The following NCAM2 variants were observed in gnomAD, a reference collection of about 807,000 sequenced individuals.
The protein encoded by NCAM2 is N-CAM-2.
Under a neutral mutation model 98.1 loss-of-function variants are expected in NCAM2, and 30 were observed. The ratio of observed to expected loss-of-function variants is 0.31; its 90% CI spans 0.23 to 0.41. The LOEUF (loss-of-function observed/expected upper bound fraction) is 0.41. Ranked by LOEUF, NCAM2 falls within the 10% of genes least tolerant of loss-of-function variation. NCAM2 has a pLI of 1.00. For missense variants in NCAM2, 867 were observed against 1,005.8 expected (o/e 0.86, Z 1.87); for synonymous variants, 368 against 342.4 (o/e 1.07, Z -0.83).
intron 1 of NCAM2, among the ~76,000 whole-genome samples, chr21:21,016,288 T>C (rs950081898): frequency 6.6e-6 from 1 of 152,192 alleles, no homozygotes; most frequent in African/African-American, 2.4e-5. Context: ...TAGTCAAATA[T>C]GTCTGCCGCA....
chr21:21,339,779 A>G (rs561008908), intron 8 of NCAM2, among the ~76,000 whole-genome samples: 111 of 151,964 alleles, frequency 7.3e-4, no homozygotes, highest in Non-Finnish European at 1.4e-3. Context: ...TTCACCAAAA[A>G]AGTAACTTCT....
At chr21:21,355,721 T>C (rs1313016811) in intron 8 of NCAM2, among the ~76,000 whole-genome samples, 1 of 151,746 alleles carries the variant, frequency 6.6e-6, no homozygotes, top group Non-Finnish European at 1.5e-5. Flanking sequence ...GTTCAAATGA[T>C]TCTCCTGACA....
intron 16 of NCAM2, among the ~76,000 whole-genome samples, chr21:21,510,485 G>T (rs1259478767): frequency 6.6e-6 from 1 of 151,978 alleles, no homozygotes; most frequent in African/African-American, 2.4e-5. Flanking sequence ...TGTTGTATTA[G>T]GACCATTCAT....
chr21:21,175,108 G>A (rs2068239986), intron 1 of NCAM2, among the ~76,000 whole-genome samples: 2 of 152,084 alleles, frequency 1.3e-5, no homozygotes, highest in African/African-American at 2.4e-5. Flanking sequence ...AATTTGATAT[G>A]TCTTTTGAGA....
intron 1 of NCAM2, among the ~76,000 whole-genome samples, chr21:21,040,584 T>C (rs2146259096): frequency 6.6e-6 from 1 of 151,954 alleles, no homozygotes; most frequent in Non-Finnish European, 1.5e-5. Flanking sequence ...ATATACACAA[T>C]GGAATACCGT....
chr21:21,099,481 A>G (rs1173340064), intron 1 of NCAM2, among the ~76,000 whole-genome samples: 1 of 151,900 alleles, frequency 6.6e-6, no homozygotes, highest in Non-Finnish European at 1.5e-5. Context: ...CAGGGCAGCA[A>G]GAGAGAGAAG....
At chr21:21,220,313 A>G (rs938005149) in intron 1 of NCAM2, among the ~76,000 whole-genome samples, 1 of 152,058 alleles carries the variant, frequency 6.6e-6, no homozygotes, top group African/African-American at 2.4e-5. Flanking sequence ...TTTTTTCTTA[A>G]TTTTTGTACT....
chr21:21,145,180 AAAC>A (rs1184473374), intron 1 of NCAM2, among the ~76,000 whole-genome samples: 1 of 152,284 alleles, frequency 6.6e-6, no homozygotes, highest in Non-Finnish European at 1.5e-5. Flanking sequence ...GACAATAATG[AAAC>A]AACAATAGAG....
chr21:21,156,676 A>T (rs981157499), intron 1 of NCAM2, among the ~76,000 whole-genome samples: 1 of 151,998 alleles, frequency 6.6e-6, no homozygotes, highest in Non-Finnish European at 1.5e-5. Context: ...TTCTTTAATG[A>T]TATTTTTTAG....
Position 21,195,977 on chromosome 21 carries a change from T to G in NCAM2, c.56-84601T>G, listed in dbSNP as rs558350971. On this transcript the variant is annotated intron_variant, in intron 1 of 17. Transcript: ENST00000400546. ...GACAGAGGTGATTAATATCTGAGTT[T>G]AAATAATTAAAATAATCTGACTTCT... Among the ~76,000 whole-genome samples, 5 of 152,356 alleles carry G rather than the reference T, an allele frequency of 3.3e-5. No homozygotes were observed. In the East Asian group the frequency reaches 9.6e-4, roughly 29 times the overall value.
At chr21:21,186,458 A>G (rs937190125) in intron 1 of NCAM2, among the ~76,000 whole-genome samples, 8 of 152,110 alleles carry the variant, frequency 5.3e-5, no homozygotes, top group African/African-American at 1.7e-4. Context: ...ATTTTTATAA[A>G]ATTTTGAAAA....
intron 16 of NCAM2, among the ~76,000 whole-genome samples, chr21:21,528,767 C>T (rs1382374806): frequency 6.6e-6 from 1 of 152,068 alleles, no homozygotes; most frequent in African/African-American, 2.4e-5. Flanking sequence ...GACAACCACA[C>T]ATTTATCACC....
chr21:21,356,804 A>G (rs919056378), intron 8 of NCAM2, among the ~76,000 whole-genome samples: 119 of 152,096 alleles, frequency 7.8e-4, no homozygotes, highest in Non-Finnish European at 6.5e-4. Flanking sequence ...AAACGTGGCC[A>G]ACATGGAGAA....
At chr21:21,239,214 G>A (rs2147227928) in intron 1 of NCAM2, 1 of 152,266 alleles carries the variant, frequency 6.6e-6, no homozygotes, top group East Asian at 1.9e-4. Flanking sequence ...ATTTTTCCCT[G>A]AGGCATTGGC....
At chr21:21,029,849 C>A (rs1487256229) in intron 1 of NCAM2, among the ~76,000 whole-genome samples, 2 of 151,986 alleles carry the variant, frequency 1.3e-5, no homozygotes, top group Non-Finnish European at 2.9e-5. Context: ...CCAGGATGGT[C>A]TCAATCTCCT....
chr21:21,392,109 A>G (rs900733193), intron 9 of NCAM2, among the ~76,000 whole-genome samples: 14 of 151,774 alleles, frequency 9.2e-5, no homozygotes. Context: ...CCCACCCTCC[A>G]CCCTTTGATA....
intron 1 of NCAM2, among the ~76,000 whole-genome samples, chr21:21,034,799 T>G (rs913930334): frequency 1.3e-5 from 2 of 151,826 alleles, no homozygotes; most frequent in African/African-American, 4.8e-5. Context: ...TATGGCAAGT[T>G]CAATTTATTT....
intron 1 of NCAM2, among the ~76,000 whole-genome samples, chr21:21,060,733 G>T (rs1009722676): frequency 2.0e-5 from 3 of 152,074 alleles, no homozygotes; most frequent in Admixed American, 6.6e-5. Context: ...CACACATATA[G>T]TTTTATTTGA....
intron 1 of NCAM2, among the ~76,000 whole-genome samples, chr21:21,217,516 A>G (rs1473437638): frequency 6.6e-6 from 1 of 152,200 alleles, no homozygotes; most frequent in East Asian, 1.9e-4. Flanking sequence ...CTTAAAAACT[A>G]GTTTCTACAT....
Sources: allele counts gnomAD v4.1 joint callset (sites outside exome capture counted in the v4.1 genomes callset), GRCh38; gene constraint gnomAD v4.1.1; transcripts MANE v1.5; gene names NCBI Gene and HGNC (gene_info 2026-07-23, HGNC 2026-07-21).